The following USP13 variants were observed in gnomAD, a reference collection of about 807,000 sequenced individuals.
The protein encoded by USP13 is ubiquitin specific peptidase 13, also known as ubiquitin carboxyl-terminal hydrolase 13.
In USP13, 68 loss-of-function variants were observed where a neutral mutation model predicts 107.8. That is an observed-to-expected ratio of 0.63 (90% CI 0.52 to 0.77). USP13 has a LOEUF of 0.77. Ranked by LOEUF, USP13 falls within the 30% of genes least tolerant of loss-of-function variation. The probability of loss-of-function intolerance (pLI) is 0.00; values close to 1 mark genes in which losing one functional copy is unlikely to be tolerated. For missense variants in USP13, 945 were observed against 1,093.3 expected (o/e 0.86, Z 1.91); for synonymous variants, 377 against 389.5 (o/e 0.97, Z 0.38).
chr3:179,688,078 T>C (rs1560049142), intron 2 of USP13, among the ~76,000 whole-genome samples: 1 of 87,340 alleles, frequency 1.1e-5, no homozygotes, highest in African/African-American at 4.0e-5. Flanking sequence ...GTAATCAGGA[T>C]ATCCATCCAT....
At chr3:179,765,195 C>G (rs1715133725) in intron 18 of USP13, among the ~76,000 whole-genome samples, 1 of 152,184 alleles carries the variant, frequency 6.6e-6, no homozygotes, top group African/African-American at 2.4e-5. Flanking sequence ...TTAATCTTGT[C>G]TTTACTGGAA....
chr3:179,754,983 G>A, intron 15 of USP13, 129 bp downstream of exon 15: 1 of 1,265,844 alleles, frequency 7.9e-7, no homozygotes, highest in Non-Finnish European at 1.1e-6. Flanking sequence ...TTGCTGTGAT[G>A]TAACCCACCA....
At chr3:179,740,168 T>G (rs1435192526) in intron 10 of USP13, 79 bp from the exon 11 acceptor site, 1 of 1,572,458 alleles carries the variant, frequency 6.4e-7, no homozygotes, top group African/African-American at 1.4e-5. Flanking sequence ...GAGTTTATGG[T>G]GGGTTCTGCT....
intron 3 of USP13, among the ~76,000 whole-genome samples, chr3:179,699,399 T>TA (rs1199037513): frequency 1.3e-5 from 2 of 152,210 alleles, no homozygotes; most frequent in African/African-American, 4.8e-5. Context: ...TTCTGACTCT[T>TA]ACAATTTAGA....
At chr3:179,657,007 T>C (rs1178687848) in intron 1 of USP13, among the ~76,000 whole-genome samples, 1 of 152,200 alleles carries the variant, frequency 6.6e-6, no homozygotes, top group South Asian at 2.1e-4. Flanking sequence ...GGTGATTTCA[T>C]TGATTGTTGG....
rs1226046428 is a variant in USP13 at position 179,786,196 on chromosome 3, A to G, written c.*2055A>G. On this transcript the variant is annotated 3_prime_UTR_variant, in exon 21 of 21. Coordinates refer to ENST00000263966, the MANE Select transcript of USP13 (RefSeq NM_003940.3). Reference sequence around the variant, plus strand: ...TCCCCACAGTAAGCAGCCTTACAAAATCCAGTCCCCTTAGGGCAGAGTGAG... The same window carrying G: ...TCCCCACAGTAAGCAGCCTTACAAAGTCCAGTCCCCTTAGGGCAGAGTGAG... 6.6e-6 allele frequency: 1 copy of G among 152,132 alleles called. No individual in the cohort carries two copies. The highest frequency in any genetic ancestry group is 1.5e-5 in the Non-Finnish European group (1 of 68,032). 9.4% of individuals were successfully genotyped at this position (152,132 alleles called of 1,614,324 possible).
chr3:179,762,623 G>T lies in USP13; in HGVS notation c.2092+1368G>T, dbSNP rs756910987. Among the ~76,000 whole-genome samples the T allele has an allele frequency of 2.0e-5, 3 of 152,040 alleles. No individual in the cohort carries two copies. In the East Asian group the frequency reaches 5.8e-4, roughly 29 times the overall value. On this transcript the variant is annotated intron_variant, in intron 17 of 20. Transcript: ENST00000263966. ...ACAATAATAATAGTCTATTTTATGG[G>T]TATACTATATTTTATTAATCTTTAT...
In USP13 at chr3:179,764,092, C is replaced by T; in HGVS notation, c.2183C>T (p.Pro728Leu). The change falls in exon 18 of 21, where the codon CCT (proline) becomes CTT (leucine). Residue 728 changes from proline to leucine, a missense_variant. Coordinates refer to ENST00000263966, the MANE Select transcript of USP13 (RefSeq NM_003940.3). ...VFGASGLDNQ[P>L]PEEIVAIITS... The stretch of plus-strand genomic sequence containing the variant: ...GGTGCTTCTGGACTGGATAACCAAC[C>T]TCCAGAGGAAATCGTAGCTATCATC... 6.2e-7 allele frequency: 1 copy of T among 1,614,066 alleles called. No individual in the cohort carries two copies. Among genetic ancestry groups the T allele is most frequent in the South Asian group, 1.1e-5 (1 of 91,078 alleles).
At chr3:179,654,312 C>T (rs1460442253) in intron 1 of USP13, among the ~76,000 whole-genome samples, 1 of 151,954 alleles carries the variant, frequency 6.6e-6, no homozygotes, top group Non-Finnish European at 1.5e-5. Context: ...TTTCTTAAGC[C>T]TTCCCCACCT....
At chr3:179,703,259 T>C (rs969955541) in intron 4 of USP13, among the ~76,000 whole-genome samples, 1 of 152,232 alleles carries the variant, frequency 6.6e-6, no homozygotes, top group African/African-American at 2.4e-5. Context: ...AGATGCTAGT[T>C]ACTATATTTT....
chr3:179,778,143 G>A (rs1282014521), intron 19 of USP13, among the ~76,000 whole-genome samples: 1 of 151,470 alleles, frequency 6.6e-6, no homozygotes, highest in African/African-American at 2.4e-5. Context: ...AGTTAATTAT[G>A]GGAAAGGCAA....
At chr3:179,655,770 C>T (rs1156814475) in intron 1 of USP13, among the ~76,000 whole-genome samples, 1 of 152,022 alleles carries the variant, frequency 6.6e-6, no homozygotes, top group Admixed American at 6.5e-5. Flanking sequence ...TTAGGCTGCT[C>T]TCGAACTCCT....
chr3:179,673,667 C>T (rs940420199), intron 1 of USP13, among the ~76,000 whole-genome samples: 3 of 152,204 alleles, frequency 2.0e-5, no homozygotes, highest in South Asian at 2.1e-4. Context: ...CAGAGTGTGG[C>T]GTTTGGGAAG....
At chr3:179,702,764 C>G (rs1295927279) in intron 4 of USP13, among the ~76,000 whole-genome samples, 2 of 152,178 alleles carry the variant, frequency 1.3e-5, no homozygotes, top group African/African-American at 4.8e-5. Flanking sequence ...ACTCATGTGG[C>G]TGTTACCAAG....
intron 2 of USP13, among the ~76,000 whole-genome samples, 154 bp from the exon 3 acceptor site, chr3:179,690,087 G>T (rs1294900162): frequency 1.3e-5 from 2 of 152,088 alleles, no homozygotes; most frequent in Non-Finnish European, 2.9e-5. Flanking sequence ...CATTAACCTG[G>T]GTCAGTTCCC....
chr3:179,750,561 C>T (rs907553798), intron 13 of USP13, among the ~76,000 whole-genome samples: 2 of 151,928 alleles, frequency 1.3e-5, no homozygotes, highest in Non-Finnish European at 2.9e-5. Flanking sequence ...CTTTATTCTT[C>T]TACCAACTTT....
chr3:179,739,619 G>A lies in USP13; in HGVS notation c.1255-628G>A, dbSNP rs146285212. 2.7e-3 allele frequency among the ~76,000 whole-genome samples: 417 copies of A among 152,246 alleles called. 3 individuals carry two copies. Among genetic ancestry groups the A allele is most frequent in the African/African-American group, 9.6e-3 (399 of 41,536 alleles). On this transcript the variant is annotated intron_variant, in intron 10 of 20. Coordinates refer to ENST00000263966, the MANE Select transcript of USP13 (RefSeq NM_003940.3). ...GTCGCCCAGGCTGGAGTGCAATGGT[G>A]TGATCTCGGCTCACTGCAACCTTCA...
intron 1 of USP13, among the ~76,000 whole-genome samples, chr3:179,679,427 G>T (rs1172726760): frequency 6.6e-6 from 1 of 151,966 alleles, no homozygotes; most frequent in East Asian, 1.9e-4. Flanking sequence ...GTATTTATTG[G>T]CAATTTTGAC....
rs1715915739 is a variant in USP13, at chr3:179,786,377, T to C, written c.*2236T>C. On this transcript the variant is annotated 3_prime_UTR_variant, in exon 21 of 21. Transcript: ENST00000263966. ...TGTGTATTTTGAATAAAATAAAAAT[T>C]TTGTAATAAAACTTTTAAAAATCAG... The C allele has an allele frequency of 6.6e-6, 1 of 152,158 alleles. No homozygotes were observed. The highest frequency in any genetic ancestry group is 2.1e-4 in the South Asian group (1 of 4,824). The allele number at this position is 152,158 out of a possible 1,614,324, so 9.4% of individuals were successfully genotyped here. A position where few individuals can be genotyped will look rare whatever the true frequency, so the allele number is the denominator to read the frequency against.
Sources: allele counts gnomAD v4.1 joint callset (sites outside exome capture counted in the v4.1 genomes callset), GRCh38; gene constraint gnomAD v4.1.1; transcripts MANE v1.5; gene names NCBI Gene and HGNC (gene_info 2026-07-23, HGNC 2026-07-21).